KIAA1671: variants seen among roughly 807,000 people sequenced by gnomAD.
The protein encoded by KIAA1671 is uncharacterized protein KIAA1671.
A neutral mutation model predicts 131.2 loss-of-function variants in KIAA1671; 52 were observed. That is an observed-to-expected ratio of 0.40 (90% confidence interval 0.32 to 0.50). KIAA1671 has a LOEUF of 0.50. KIAA1671 is among the 20% of genes least tolerant of loss of function. The pLI is 0.73. For synonymous variants in KIAA1671, 1,003 were observed against 961.6 expected (o/e 1.04, Z -0.80); for missense variants, 2,360 against 2,364.2 (o/e 1.00, Z 0.04).
intron 1 of KIAA1671, among the ~76,000 whole-genome samples, chr22:24,999,636 C>T (rs1287302576): frequency 2.0e-5 from 3 of 150,708 alleles, no homozygotes; most frequent in Non-Finnish European, 2.9e-5. Flanking sequence ...GATCTCAGTT[C>T]ACCGTAACCT....
chr22:25,102,060 T>C (rs1376954644), intron 6 of KIAA1671, among the ~76,000 whole-genome samples: 1 of 152,168 alleles, frequency 6.6e-6, no homozygotes, highest in African/African-American at 2.4e-5. Context: ...GAAAGGTGTC[T>C]TAGCCAGAGG....
chr22:25,036,765 A>C (rs1407729132), intron 4 of KIAA1671, among the ~76,000 whole-genome samples: 1 of 148,900 alleles, frequency 6.7e-6, no homozygotes, highest in Admixed American at 6.7e-5. Context: ...CTAAAAATAC[A>C]AAAAAAAAAT....
chr22:25,040,019 T>C lies in KIAA1671; in HGVS notation c.2889T>C (p.Ser963=). ...PPNVKFDTFS[S]LVPEDSPHVG... is the part of the protein sequence containing the mutation. Reference sequence around the variant, plus strand: ...ACGTGAAATTTGATACATTCAGTTCTCTTGTCCCAGAGGACTCTCCACATG... The same window carrying C: ...ACGTGAAATTTGATACATTCAGTTCCCTTGTCCCAGAGGACTCTCCACATG... Residue 963 remains serine, a synonymous_variant, in exon 5 of 13, where the codon TCT becomes TCC. Coordinates refer to ENST00000358431, the MANE Select transcript of KIAA1671 (RefSeq NM_001145206.2). 6.4e-7 allele frequency: 1 copy of C among 1,551,666 alleles called. No individual in the cohort carries two copies. Among genetic ancestry groups the C allele is most frequent in the Non-Finnish European group, 8.7e-7 (1 of 1,146,990 alleles).
At chr22:25,131,766 G>T (rs530046840) in intron 6 of KIAA1671, among the ~76,000 whole-genome samples, 2 of 152,354 alleles carry the variant, frequency 1.3e-5, no homozygotes, top group South Asian at 4.1e-4. Context: ...AGCATCTCAG[G>T]TTGGGAGCAG....
chr22:25,047,949 GCT>G (rs1438220696), intron 5 of KIAA1671, among the ~76,000 whole-genome samples: 1 of 152,192 alleles, frequency 6.6e-6, no homozygotes, highest in Non-Finnish European at 1.5e-5. Context: ...TCTAGCTTTA[GCT>G]CTTACATTTA....
At position 25,034,701 on chromosome 22, in the gene KIAA1671, CTTTTCTTTTCT is replaced by C. The variant is rs1316003932; in HGVS notation, c.1629+2015_1629+2025del. ...CAAGGCTTTGTAAGAGCTTCTATTT[CTTTTCTTTTCT>C]TTTTCTTTTTTAATTTTTTAATTTA... On this transcript the variant is annotated intron_variant, in intron 4 of 12. Coordinates refer to ENST00000358431, the MANE Select transcript of KIAA1671 (RefSeq NM_001145206.2). Among the ~76,000 whole-genome samples the C allele has an allele frequency of 4.6e-5, 7 of 151,968 alleles. No individual in the cohort carries two copies. The East Asian group carries it at 1.4e-3, about 29-fold the overall frequency.
chr22:25,092,836 G>C (rs919491270), intron 6 of KIAA1671, among the ~76,000 whole-genome samples: 1 of 152,116 alleles, frequency 6.6e-6, no homozygotes, highest in Non-Finnish European at 1.5e-5. Context: ...GAGCTGTTGC[G>C]AGTTGGTGGG....
At chr22:25,151,314 C>T (rs1275583386) in intron 6 of KIAA1671, among the ~76,000 whole-genome samples, 2 of 147,378 alleles carry the variant, frequency 1.4e-5, no homozygotes, top group African/African-American at 5.0e-5. Flanking sequence ...TACATATATG[C>T]ATATATAATA....
chr22:25,139,245 CT>C (rs56152603), intron 6 of KIAA1671, among the ~76,000 whole-genome samples: 11,130 of 152,314 alleles, frequency 0.073, 503 homozygotes, highest in Middle Eastern at 0.11. Flanking sequence ...CGAGGCCCCC[CT>C]GATGGGGCTC....
At chr22:25,027,046 G>A (rs1490817253) in intron 2 of KIAA1671, among the ~76,000 whole-genome samples, 1 of 152,184 alleles carries the variant, frequency 6.6e-6, no homozygotes, top group African/African-American at 2.4e-5. Context: ...AACACAAGAA[G>A]CATGTGGCAT....
chr22:25,040,068 G>A lies in KIAA1671; in HGVS notation c.2938G>A (p.Val980Met). The A allele has an allele frequency of 6.4e-7, 1 of 1,551,710 alleles. No homozygotes were observed. The highest frequency in any genetic ancestry group is 8.7e-7 in the Non-Finnish European group (1 of 1,147,006). ...PHVGHRRTDY[V>M]SPTASALRKP... is the part of the protein sequence containing the mutation. ...TGTGGGGCACAGACGAACAGATTAT[G>A]TGAGCCCCACAGCCAGTGCCTTAAG... is the stretch of plus-strand genomic sequence containing the variant. The change falls in exon 5 of 13, where the codon GTG (valine) becomes ATG (methionine). Residue 980 changes from valine (V) to methionine (M), a missense_variant. This residue lies in a region of KIAA1671 where 1,161 missense variants were observed against 1,204.7 expected (regional missense o/e 0.96). Transcript: ENST00000358431.
At chr22:25,182,327 CTCTTCTTTCTTTCCTCCCTCCCTTTCTCT>C (rs1279870970) in intron 10 of KIAA1671, among the ~76,000 whole-genome samples, 5 of 73,066 alleles carry the variant, frequency 6.8e-5, no homozygotes, top group Non-Finnish European at 9.9e-5. Flanking sequence ...CCTTCCTTTT[CTCTTCTTTCTTTCCTCCCTCCCTTTCTCT>C]TCTTTCTTTC....
chr22:25,034,416 T>C (rs1926475917), intron 4 of KIAA1671, among the ~76,000 whole-genome samples: 1 of 151,976 alleles, frequency 6.6e-6, no homozygotes. Context: ...TCCGTGTAGA[T>C]TAGTTTGCAT....
intron 6 of KIAA1671, among the ~76,000 whole-genome samples, chr22:25,148,025 G>GCTACCTCTCTCCCTCC (rs1932919581): frequency 9.5e-6 from 1 of 105,388 alleles, no homozygotes; most frequent in Non-Finnish European, 1.7e-5. Flanking sequence ...TCTTTCCCTT[G>GCTACCTCTCTCCCTCC]CTACCTCTCT....
In KIAA1671 at chr22:25,156,551, TTG is replaced by T. The variant is rs1243944943; in HGVS notation, c.4531-14265_4531-14264del. ...TGTATGTGTACATCCGTATGTGTTT[TTG>T]TGTCTTTGCATGTGTGTATATATAC... On this transcript the variant is annotated intron_variant, in intron 6 of 12. Coordinates refer to ENST00000358431, the MANE Select transcript of KIAA1671 (RefSeq NM_001145206.2). Among the ~76,000 whole-genome samples, 5 of 148,834 alleles carry T rather than the reference TTG, an allele frequency of 3.4e-5. No individual in the cohort carries two copies. In the East Asian group the frequency reaches 5.8e-4, roughly 17 times the overall value.
intron 6 of KIAA1671, among the ~76,000 whole-genome samples, chr22:25,093,755 TCTCTCTCTCTCTGTC>T (rs1930195169): frequency 1.5e-5 from 2 of 130,734 alleles, no homozygotes; most frequent in African/African-American, 3.2e-5. Context: ...TCTCTCTCTC[TCTCTCTCTCTCTGTC>T]TCTCTCTCTC....
chr22:24,998,070 G>A (rs1228932567), intron 1 of KIAA1671, among the ~76,000 whole-genome samples: 2 of 152,208 alleles, frequency 1.3e-5, no homozygotes, highest in East Asian at 1.9e-4. Flanking sequence ...ATGGGGATAC[G>A]TCCTGATAAA....
chr22:24,955,589 G>A (rs1316737368), intron 1 of KIAA1671, among the ~76,000 whole-genome samples: 2 of 152,164 alleles, frequency 1.3e-5, no homozygotes, highest in Non-Finnish European at 2.9e-5. Flanking sequence ...GGGGCGCTGT[G>A]GATCACAGTG....
chr22:24,975,262 A>G (rs1472856946), intron 1 of KIAA1671, among the ~76,000 whole-genome samples: 4 of 151,720 alleles, frequency 2.6e-5, no homozygotes, highest in Non-Finnish European at 5.9e-5. Flanking sequence ...TATTTAACTT[A>G]GCAGAATGTT....
Sources: allele counts gnomAD v4.1 joint callset (sites outside exome capture counted in the v4.1 genomes callset), GRCh38; gene constraint gnomAD v4.1.1; regional missense constraint gnomAD v4.1.1; transcripts MANE v1.5; gene names NCBI Gene and HGNC (gene_info 2026-07-23, HGNC 2026-07-21).